Variants in RAD18 observed in about 807,000 individuals in gnomAD.
The protein encoded by RAD18 is RAD18 E3 ubiquitin protein ligase, also known as E3 ubiquitin-protein ligase RAD18.
In RAD18, 47 loss-of-function variants were observed where a neutral mutation model predicts 60.4. The observed-to-expected ratio is 0.78, with a 90% confidence interval of 0.62 to 0.99. The LOEUF is 0.99. Ranked by LOEUF, RAD18 falls within the 50% of genes least tolerant of loss-of-function variation. RAD18 has a pLI of 0.00. For synonymous variants in RAD18, 225 were observed against 195.5 expected (o/e 1.15, Z -1.26); for missense variants, 640 against 593.3 (o/e 1.08, Z -0.82).
intron 2 of RAD18, among the ~76,000 whole-genome samples, chr3:8,951,938 G>A (rs1940932536): frequency 6.6e-6 from 1 of 152,150 alleles, no homozygotes; most frequent in Non-Finnish European, 1.5e-5. Flanking sequence ...TCCCATGAGG[G>A]GGTGAGGAGT....
chr3:8,956,750 T>A (rs199915579), intron 2 of RAD18, among the ~76,000 whole-genome samples: 4 of 137,788 alleles, frequency 2.9e-5, no homozygotes, highest in South Asian at 2.2e-4. Flanking sequence ...ATTCATGATT[T>A]AAAAAAAAAA....
At chr3:8,919,962 T>A (rs1053829144) in intron 7 of RAD18, among the ~76,000 whole-genome samples, 11 of 152,176 alleles carry the variant, frequency 7.2e-5, no homozygotes, top group African/African-American at 2.7e-4. Context: ...AATCTGTGAA[T>A]CCATATTCAT....
chr3:8,895,272 A>G (rs1279263253), intron 11 of RAD18, among the ~76,000 whole-genome samples: 2 of 152,256 alleles, frequency 1.3e-5, no homozygotes, highest in East Asian at 3.8e-4. Context: ...GCAACATTAC[A>G]TTCATCGAAT....
chr3:8,935,463 C>T (rs1217374952), intron 7 of RAD18, among the ~76,000 whole-genome samples: 4 of 152,144 alleles, frequency 2.6e-5, no homozygotes, highest in South Asian at 2.1e-4. Context: ...TTTCACTCAA[C>T]ATTATGAAGT....
At chr3:8,924,241 A>C (rs889355886) in intron 7 of RAD18, among the ~76,000 whole-genome samples, 14 of 151,154 alleles carry the variant, frequency 9.3e-5, no homozygotes, top group African/African-American at 2.2e-4. Flanking sequence ...TGGAAAACAA[A>C]AAAAGGCAGG....
intron 7 of RAD18, among the ~76,000 whole-genome samples, chr3:8,919,382 A>C (rs935641302): frequency 6.6e-6 from 1 of 152,254 alleles, no homozygotes; most frequent in Non-Finnish European, 1.5e-5. Flanking sequence ...GAATGAAAAA[A>C]GACAAGATGC....
chr3:8,881,527 A>G, intron 12 of RAD18, 68 bp from the exon 13 acceptor site: 1 of 1,290,646 alleles, frequency 7.7e-7, no homozygotes, highest in African/African-American at 1.5e-5. Flanking sequence ...TCTAGTTTAC[A>G]AGTGTTTTCA....
intron 9 of RAD18, among the ~76,000 whole-genome samples, chr3:8,909,619 A>C (rs1940073285): frequency 6.6e-6 from 1 of 152,236 alleles, no homozygotes; most frequent in Admixed American, 6.5e-5. Flanking sequence ...ATACCTTTGA[A>C]AATTTGGAGA....
At chr3:8,899,175 TC>T in intron 10 of RAD18, 128 bp from the exon 11 acceptor site, 1 of 624,906 alleles carries the variant, frequency 1.6e-6, no homozygotes, top group Non-Finnish European at 2.5e-6. Context: ...ATTCCAGAAC[TC>T]TAGTGACAGC....
chr3:8,890,486 C>G (rs1553623982), intron 11 of RAD18, 35 bp from the exon 12 acceptor site: 19 of 1,441,468 alleles, frequency 1.3e-5, no homozygotes, highest in African/African-American at 4.2e-5. Context: ...TGACAGACAA[C>G]AAGAAGACTG....
At chr3:8,909,304 C>A (rs1940065971) in intron 9 of RAD18, among the ~76,000 whole-genome samples, 1 of 152,130 alleles carries the variant, frequency 6.6e-6, no homozygotes, top group Non-Finnish European at 1.5e-5. Context: ...CTGAAGAGTT[C>A]TTTACAATGG....
Position 8,890,459 on chromosome 3 carries a change from G to C in RAD18, c.1323-8C>G. 1 of 1,564,768 alleles carries C rather than the reference G, an allele frequency of 6.4e-7. No homozygotes were observed. Among genetic ancestry groups the C allele is most frequent in the Middle Eastern group, 1.7e-4 (1 of 5,974 alleles). The stretch of plus-strand genomic sequence containing the variant: ...ATGATGTCTGAACTGGAACTAAAAG[G>C]ATATGTACATCAGTATTGACAGACA... On this transcript the variant is annotated splice_polypyrimidine_tract_variant and splice_region_variant and intron_variant, in intron 11 of 12. Coordinates refer to ENST00000264926, the MANE Select transcript of RAD18 (RefSeq NM_020165.4).
At chr3:8,890,346 T>C (rs1000300615) in intron 12 of RAD18, 43 bp downstream of exon 12, 1 of 1,438,784 alleles carries the variant, frequency 7.0e-7, no homozygotes, top group Non-Finnish European at 9.8e-7. Context: ...GTATAATTTC[T>C]CAGGTCAAAG....
chr3:8,921,221 A>T (rs1940314364), intron 7 of RAD18, among the ~76,000 whole-genome samples: 1 of 152,264 alleles, frequency 6.6e-6, no homozygotes, highest in Non-Finnish European at 1.5e-5. Context: ...GGTACAGTCT[A>T]TGCATTCACT....
At chr3:8,945,425 C>G (rs1343726308) in intron 4 of RAD18, among the ~76,000 whole-genome samples, 4 of 150,968 alleles carry the variant, frequency 2.6e-5, no homozygotes, top group Admixed American at 1.3e-4. Context: ...CTTGATAATC[C>G]TAACCCTGTG....
At chr3:8,922,865 A>G (rs1259783532) in intron 7 of RAD18, among the ~76,000 whole-genome samples, 1 of 152,216 alleles carries the variant, frequency 6.6e-6, no homozygotes, top group Admixed American at 6.5e-5. Flanking sequence ...CCTGACTGTT[A>G]GAAGGAAAAC....
Position 8,952,738 on chromosome 3 carries a change from G to A in RAD18, c.134-4168C>T, listed in dbSNP as rs145309537. ...CTTTCGATCCTCACAGCAACCCTGA[G>A]GTTGGTACCAATGTTAGTCACATTT... On this transcript the variant is annotated intron_variant, in intron 2 of 12. Transcript: ENST00000264926. 6.1e-3 allele frequency among the ~76,000 whole-genome samples: 927 copies of A among 152,270 alleles called. 6 individuals are homozygous for A. The highest frequency in any genetic ancestry group is 0.021 in the African/African-American group (879 of 41,546).
intron 1 of RAD18, among the ~76,000 whole-genome samples, chr3:8,962,253 CAGG>C (rs553027125): frequency 1.6e-4 from 24 of 152,322 alleles, no homozygotes; most frequent in African/African-American, 2.4e-4. Context: ...AAGAGGCAGA[CAGG>C]AGATTTCACC....
chr3:8,898,754 C>T, intron 11 of RAD18, 140 bp downstream of exon 11: 1 of 706,906 alleles, frequency 1.4e-6, no homozygotes, highest in Non-Finnish European at 2.2e-6. Flanking sequence ...GAAGAAGACC[C>T]AGCAGTAAAA....
Sources: allele counts gnomAD v4.1 joint callset (sites outside exome capture counted in the v4.1 genomes callset), GRCh38; gene constraint gnomAD v4.1.1; transcripts MANE v1.5; gene names NCBI Gene and HGNC (gene_info 2026-07-23, HGNC 2026-07-21).